Variants in CSMD1 observed in about 807,000 individuals in gnomAD.
CSMD1 encodes CUB and Sushi multiple domains 1, also known as CUB and sushi domain-containing protein 1.
A neutral mutation model predicts 417.5 loss-of-function variants in CSMD1; 213 were observed. The observed-to-expected ratio is 0.51, with a 90% CI of 0.46 to 0.57. The LOEUF (loss-of-function observed/expected upper bound fraction) is 0.57, where lower values mean the gene tolerates loss of function less well. Among genes scored for constraint, CSMD1 ranks in the 20% least tolerant of loss-of-function variants. The pLI is 0.00. For synonymous variants in CSMD1, 2,862 were observed against 1,736.8 expected, an observed-to-expected ratio of 1.65 and a Z score of -16.11; for missense variants, 6,923 against 4,529.7, an observed-to-expected ratio of 1.53 and a Z score of -15.17.
chr8:3,782,203 G>T (rs1032859121), intron 5 of CSMD1, among the ~76,000 whole-genome samples: 2 of 152,026 alleles, frequency 1.3e-5, no homozygotes, highest in Non-Finnish European at 2.9e-5. Flanking sequence ...GCAAATTCAC[G>T]GTGCGGCATA....
chr8:4,214,184 A>G (rs1033471233), intron 3 of CSMD1, among the ~76,000 whole-genome samples: 3 of 152,212 alleles, frequency 2.0e-5, no homozygotes, highest in Admixed American at 1.3e-4. Flanking sequence ...ACATCTTTAC[A>G]TAGGATACGG....
In CSMD1 at chr8:3,764,147, C is replaced by G. The variant is rs925465009; in HGVS notation, c.819-10105G>C. 7.9e-5 allele frequency among the ~76,000 whole-genome samples: 12 copies of G among 152,150 alleles called. 1 individual carries two copies. The highest frequency in any genetic ancestry group is 4.1e-4 in the South Asian group (2 of 4,826). ...AGCAGGGCTCAGGGAGTGCACAGCA[C>G]TCTCTCACTCCAGGGACCCCTCCTC... is the stretch of plus-strand genomic sequence containing the variant. On this transcript the variant is annotated intron_variant, in intron 5 of 69. Transcript: ENST00000635120.
At chr8:4,119,779 T>G (rs1000023976) in intron 3 of CSMD1, among the ~76,000 whole-genome samples, 6 of 152,180 alleles carry the variant, frequency 3.9e-5, no homozygotes, top group Admixed American at 1.3e-4. Flanking sequence ...TACAGCAGCC[T>G]GAGCTGAGTA....
At chr8:3,883,373 T>C (rs568123226) in intron 5 of CSMD1, among the ~76,000 whole-genome samples, 2 of 152,264 alleles carry the variant, frequency 1.3e-5, no homozygotes, top group Non-Finnish European at 2.9e-5. Flanking sequence ...TTTCCAGCTA[T>C]CGATTTCTCA....
intron 25 of CSMD1, among the ~76,000 whole-genome samples, chr8:3,285,884 C>G (rs1012995783): frequency 4.0e-5 from 6 of 151,852 alleles, no homozygotes; most frequent in Admixed American, 2.6e-4. Context: ...GCACAACGTG[C>G]AGGTTTGTTA....
intron 12 of CSMD1, among the ~76,000 whole-genome samples, chr8:3,414,533 T>A (rs941939048): frequency 6.6e-6 from 1 of 152,176 alleles, no homozygotes; most frequent in African/African-American, 2.4e-5. Flanking sequence ...CTCCCCATGC[T>A]GCATCCCATT....
chr8:4,103,273 A>ATATATG (rs1157916274), intron 3 of CSMD1, among the ~76,000 whole-genome samples: 1 of 150,948 alleles, frequency 6.6e-6, no homozygotes, highest in African/African-American at 2.4e-5. Flanking sequence ...CATTATATAT[A>ATATATG]TCATACTGAA....
chr8:3,022,586 A>T (rs13260153), intron 51 of CSMD1, among the ~76,000 whole-genome samples: 58,228 of 152,000 alleles, frequency 0.38, 11,785 homozygotes, highest in Non-Finnish European at 0.46. Context: ...CATACCTGTA[A>T]GGACAGCACT....
At chr8:3,703,237 T>C (rs1800967800) in intron 7 of CSMD1, among the ~76,000 whole-genome samples, 1 of 152,160 alleles carries the variant, frequency 6.6e-6, no homozygotes. Context: ...AAGACTACAG[T>C]CGCGCTGCCC....
intron 2 of CSMD1, among the ~76,000 whole-genome samples, chr8:4,577,044 G>A (rs889915805): frequency 1.4e-4 from 21 of 152,160 alleles, no homozygotes; most frequent in African/African-American, 4.8e-4. Context: ...CTTTAATATT[G>A]CTTTGATTAC....
At chr8:3,536,690 CTG>C (rs1798214550) in intron 10 of CSMD1, among the ~76,000 whole-genome samples, 1 of 152,148 alleles carries the variant, frequency 6.6e-6, no homozygotes, top group African/African-American at 2.4e-5. Flanking sequence ...GCAATAGGAT[CTG>C]TGCCCTCAGA....
At chr8:4,462,229 A>G (rs1046064510) in intron 2 of CSMD1, among the ~76,000 whole-genome samples, 6 of 152,178 alleles carry the variant, frequency 3.9e-5, no homozygotes, top group African/African-American at 1.4e-4. Flanking sequence ...TGAAATTTAA[A>G]AAGAAAACAA....
intron 1 of CSMD1, among the ~76,000 whole-genome samples, chr8:4,875,596 C>T (rs1490938397): frequency 1.3e-5 from 2 of 152,018 alleles, no homozygotes; most frequent in African/African-American, 4.8e-5. Flanking sequence ...TGGTTTTGCC[C>T]TCTAAGCGTA....
At chr8:4,560,174 A>G (rs1798266308) in intron 2 of CSMD1, among the ~76,000 whole-genome samples, 1 of 152,228 alleles carries the variant, frequency 6.6e-6, no homozygotes. Flanking sequence ...ATCTCACCGC[A>G]CTTTCTCAGT....
chr8:3,349,222 G>T (rs1017029695), intron 21 of CSMD1, among the ~76,000 whole-genome samples: 119 of 152,148 alleles, frequency 7.8e-4, no homozygotes, highest in African/African-American at 2.8e-3. Flanking sequence ...GTTGCTCAAG[G>T]TACTGCAGAA....
chr8:4,241,057 C>T (rs1239813269), intron 3 of CSMD1, among the ~76,000 whole-genome samples: 1 of 152,088 alleles, frequency 6.6e-6, no homozygotes, highest in African/African-American at 2.4e-5. Context: ...TGAAGCTACC[C>T]CTATGGATTT....
In CSMD1 at chr8:3,408,005, A is replaced by G; in HGVS notation, c.1965T>C (p.Ser655=). The G allele has an allele frequency of 6.2e-7, 1 of 1,613,976 alleles. No homozygotes were observed. The highest frequency in any genetic ancestry group is 8.5e-7 in the Non-Finnish European group (1 of 1,179,880). ...ISDITVLGTF[S]GNEVPSQLAS... is the part of the protein sequence containing the mutation. ...CCAGCTGGGAAGGCACTTCATTGCC[A>G]GAAAAAGTACCCAGGACAGTTATGT... Residue 655 remains serine (S), a synonymous_variant, in exon 14 of 70, where the codon TCT becomes TCC. Coordinates refer to ENST00000635120, the MANE Select transcript of CSMD1 (RefSeq NM_033225.6).
intron 3 of CSMD1, among the ~76,000 whole-genome samples, chr8:4,094,236 G>A (rs1239319473): frequency 6.6e-6 from 1 of 152,014 alleles, no homozygotes; most frequent in African/African-American, 2.4e-5. Context: ...TCGTAACCTG[G>A]ACAAGTTGAC....
intron 50 of CSMD1, among the ~76,000 whole-genome samples, chr8:3,045,767 T>C (rs1400787654): frequency 2.0e-5 from 3 of 152,230 alleles, no homozygotes; most frequent in Non-Finnish European, 4.4e-5. Flanking sequence ...TTCTGGACTT[T>C]GCTACTTACT....
Sources: allele counts gnomAD v4.1 joint callset (sites outside exome capture counted in the v4.1 genomes callset), GRCh38; gene constraint gnomAD v4.1.1; transcripts MANE v1.5; gene names NCBI Gene and HGNC (gene_info 2026-07-23, HGNC 2026-07-21).